The following GRIA3 variants were observed in gnomAD, a reference collection of about 807,000 sequenced individuals.
GRIA3 encodes the protein glutamate ionotropic receptor AMPA type subunit 3.
A neutral mutation model predicts 63.0 loss-of-function variants in GRIA3; 3 were observed. The observed-to-expected ratio is 0.05, with a 90% CI of 0.02 to 0.12. The LOEUF (loss-of-function observed/expected upper bound fraction) is 0.12, where lower values mean the gene tolerates loss of function less well. Among genes scored for constraint, GRIA3 ranks in the 10% least tolerant of loss-of-function variants. The pLI is 1.00. For missense variants in GRIA3, 347 were observed against 700.9 expected (o/e 0.50, Z 5.70); for synonymous variants, 274 against 257.9 (o/e 1.06, Z -0.60).
intron 2 of GRIA3, among the ~76,000 whole-genome samples, chrX:123,242,159 A>G (rs1479542734): frequency 1.8e-5 from 2 of 112,104 alleles, no homozygotes; most frequent in African/African-American, 3.2e-5. Flanking sequence ...TAAAGATTTT[A>G]TTACTTATAT....
intron 6 of GRIA3, 134 bp downstream of exon 6, chrX:123,395,263 T>A (rs1360434327): frequency 5.4e-6 from 3 of 556,921 alleles, no homozygotes; most frequent in South Asian, 2.7e-5. Context: ...ACAAAACAAC[T>A]GCAGGTGATG....
rs138990281 is a variant in GRIA3 at position 123,447,105 on chromosome X, G to A, written c.2077-17760G>A. On this transcript the variant is annotated intron_variant, in intron 12 of 15. Coordinates refer to ENST00000620443, the MANE Select transcript of GRIA3 (RefSeq NM_007325.5). ...TTAGAAAATGCATGAGATTTGGGCC[G>A]GATGCAGTGGCTCATGCCTGTAATC... Among the ~76,000 whole-genome samples the A allele has an allele frequency of 6.9e-3, 767 of 111,536 alleles. 3 individuals carry two copies. The highest frequency in any genetic ancestry group is 0.012 in the Non-Finnish European group (616 of 53,071).
intron 5 of GRIA3, among the ~76,000 whole-genome samples, chrX:123,379,505 G>A (rs2045307490): frequency 9.1e-6 from 1 of 109,394 alleles, no homozygotes; most frequent in African/African-American, 3.3e-5. Flanking sequence ...CTTGGTGTAT[G>A]TTTGCTGGTC....
At chrX:123,229,897 G>A (rs1030096281) in intron 2 of GRIA3, among the ~76,000 whole-genome samples, 1 of 111,924 alleles carries the variant, frequency 8.9e-6, no homozygotes, top group Non-Finnish European at 1.9e-5. Flanking sequence ...TCCTCAAAAG[G>A]TGTTCATTAT....
chrX:123,447,978 G>A (rs2045711701), intron 12 of GRIA3, among the ~76,000 whole-genome samples: 1 of 112,232 alleles, frequency 8.9e-6, no homozygotes, highest in South Asian at 3.7e-4. Context: ...GGAAATAAGA[G>A]TCAGAGAGAG....
intron 15 of GRIA3, among the ~76,000 whole-genome samples, chrX:123,483,999 A>T (rs1471704080): frequency 9.0e-6 from 1 of 111,616 alleles, no homozygotes; most frequent in Non-Finnish European, 1.9e-5. Flanking sequence ...CCATAGGGAG[A>T]GGTGGTTCTT....
At position 123,460,748 on chromosome X, in the gene GRIA3, C is replaced by T. The variant is rs923263677; in HGVS notation, c.2077-4117C>T. Among the ~76,000 whole-genome samples the T allele has an allele frequency of 2.7e-5, 3 of 111,218 alleles. No individual in the cohort carries two copies. In the East Asian group the frequency reaches 8.5e-4, roughly 31 times the overall value. ...ATTATTTTTATATCTTTCTGTGTAT[C>T]GAATTATTGATTATTTTTTAATTCC... On this transcript the variant is annotated intron_variant, in intron 12 of 15. Coordinates refer to ENST00000620443, the MANE Select transcript of GRIA3 (RefSeq NM_007325.5).
chrX:123,304,616 C>T (rs932973614), intron 3 of GRIA3, among the ~76,000 whole-genome samples: 1 of 111,642 alleles, frequency 9.0e-6, no homozygotes, highest in Non-Finnish European at 1.9e-5. Context: ...TTTTGCGGAT[C>T]CCATCTGTAA....
At chrX:123,380,558 C>G (rs1470586606) in intron 5 of GRIA3, among the ~76,000 whole-genome samples, 3 of 108,175 alleles carry the variant, frequency 2.8e-5, no homozygotes, top group Admixed American at 9.9e-5. Flanking sequence ...CTTTGTCAGA[C>G]GAGTAGATTG....
intron 15 of GRIA3, among the ~76,000 whole-genome samples, chrX:123,486,092 C>T (rs1442770135): frequency 1.2e-5 from 1 of 86,267 alleles, no homozygotes; most frequent in Non-Finnish European, 2.2e-5. Context: ...AGGATGGAGG[C>T]AGGGAGGCAG....
At chrX:123,289,645 T>C (rs1054904480) in intron 3 of GRIA3, among the ~76,000 whole-genome samples, 2 of 109,325 alleles carry the variant, frequency 1.8e-5, no homozygotes, top group Non-Finnish European at 3.8e-5. Flanking sequence ...CACTAAAAAG[T>C]CTGATTTCTC....
At chrX:123,325,986 A>C in intron 3 of GRIA3, 40 bp from the exon 4 acceptor site, 1 of 1,112,986 alleles carries the variant, frequency 9.0e-7, no homozygotes, top group Non-Finnish European at 1.2e-6. Flanking sequence ...TACCTACAGA[A>C]AGATTTTTAA....
At chrX:123,381,518 A>T (rs998394204) in intron 5 of GRIA3, among the ~76,000 whole-genome samples, 1 of 111,875 alleles carries the variant, frequency 8.9e-6, no homozygotes, top group African/African-American at 3.3e-5. Context: ...GGAAAGGAGT[A>T]ATGTCTTAAA....
At chrX:123,295,689 G>A (rs1165745451) in intron 3 of GRIA3, among the ~76,000 whole-genome samples, 3 of 111,252 alleles carry the variant, frequency 2.7e-5, no homozygotes, top group African/African-American at 9.8e-5. Flanking sequence ...CTATAAAAAA[G>A]GAAATGAATA....
rs769867750 is a variant in GRIA3 at position 123,462,689 on chromosome X, G to A, written c.2077-2176G>A. On this transcript the variant is annotated intron_variant, in intron 12 of 15. Coordinates refer to ENST00000620443, the MANE Select transcript of GRIA3 (RefSeq NM_007325.5). The stretch of plus-strand genomic sequence containing the variant: ...GCCCCCCCTGGAATTATTTGGGCAG[G>A]TCCAAGCAGGCCCCAAGAAAGATGC... Among the ~76,000 whole-genome samples, 4 of 111,569 alleles carry A rather than the reference G, an allele frequency of 3.6e-5. No individual in the cohort carries two copies. In the East Asian group the frequency reaches 8.5e-4, roughly 24 times the overall value.
chrX:123,411,960 T>G (rs902539000), intron 10 of GRIA3, among the ~76,000 whole-genome samples: 6 of 111,346 alleles, frequency 5.4e-5, no homozygotes, highest in Admixed American at 4.8e-4. Flanking sequence ...AGAGAGGCAC[T>G]TCATTGTTGA....
intron 2 of GRIA3, among the ~76,000 whole-genome samples, chrX:123,237,320 A>C (rs1325105256): frequency 2.7e-5 from 3 of 111,634 alleles, no homozygotes; most frequent in African/African-American, 9.8e-5. Flanking sequence ...GAAAACAAAT[A>C]CCTACTGTTT....
chrX:123,447,326 GA>G (rs1301923731), intron 12 of GRIA3, among the ~76,000 whole-genome samples: 1 of 111,790 alleles, frequency 8.9e-6, no homozygotes, highest in Non-Finnish European at 1.9e-5. Context: ...AATAATACAT[GA>G]GATTTGGAAA....
intron 11 of GRIA3, among the ~76,000 whole-genome samples, chrX:123,422,885 C>T (rs1014798127): frequency 8.9e-6 from 1 of 112,381 alleles, no homozygotes; most frequent in African/African-American, 3.2e-5. Context: ...CAGCAACACT[C>T]CTTCTTGAAC....
Sources: allele counts gnomAD v4.1 joint callset (sites outside exome capture counted in the v4.1 genomes callset), GRCh38; gene constraint gnomAD v4.1.1; transcripts MANE v1.5; gene names NCBI Gene and HGNC (gene_info 2026-07-23, HGNC 2026-07-21).